The following BCHE variants were observed in gnomAD, a reference collection of about 807,000 sequenced individuals.
BCHE encodes the protein cholinesterase.
In BCHE, 48 loss-of-function variants were observed where a neutral mutation model predicts 51.3. The ratio of observed to expected loss-of-function variants is 0.94; its 90% CI spans 0.74 to 1.19. The LOEUF (loss-of-function observed/expected upper bound fraction) is 1.19, where lower values mean the gene tolerates loss of function less well. Among genes scored for constraint, BCHE ranks in the 50% most tolerant of loss-of-function variants. The pLI, the probability that BCHE is intolerant of heterozygous loss-of-function variation, is 0.00. For synonymous variants in BCHE, 251 were observed against 238.0 expected, an observed-to-expected ratio of 1.05 and a Z score of -0.50; for missense variants, 847 against 708.2, an observed-to-expected ratio of 1.20 and a Z score of -2.23.
In BCHE at chr3:165,829,611, C is replaced by T; in HGVS notation, c.1423G>A (p.Gly475Ser). The change falls in exon 2 of 4, where the codon GGT (glycine) becomes AGT (serine). Residue 475 changes from glycine to serine, a missense_variant. Coordinates refer to ENST00000264381, the MANE Select transcript of BCHE (RefSeq NM_000055.4). ...TTATCTCTTCTTTCCAGAGGTAAAC[C>T]AAAGACAAATTCAATTTCATAGCCA... The part of the protein sequence containing the change: ...MHGYEIEFVF[G>S]LPLERRDNYT... 6.2e-7 allele frequency: 1 copy of T among 1,613,670 alleles called. No individual in the cohort carries two copies. The highest frequency in any genetic ancestry group is 8.5e-7 in the Non-Finnish European group (1 of 1,179,820).
intron 2 of BCHE, among the ~76,000 whole-genome samples, chr3:165,806,470 A>T (rs1313860793): frequency 6.6e-6 from 1 of 152,170 alleles, no homozygotes; most frequent in Non-Finnish European, 1.5e-5. Flanking sequence ...TGCCAGCGGT[A>T]AGTGGTAACC....
At position 165,823,530 on chromosome 3, in the gene BCHE, T is replaced by G. The variant is rs546666903; in HGVS notation, c.1517+5987A>C. Among the ~76,000 whole-genome samples the G allele has an allele frequency of 1.1e-3, 163 of 152,160 alleles. 1 individual carries two copies. The highest frequency in any genetic ancestry group is 3.6e-3 in the African/African-American group (150 of 41,554). On this transcript the variant is annotated intron_variant, in intron 2 of 3. Transcript: ENST00000264381. ...GAATGCCAATTGATAATGGAATAAC[T>G]GGAAAAATAATCCTTGAAAACTATA...
chr3:165,818,502 A>G (rs1714389240), intron 2 of BCHE, among the ~76,000 whole-genome samples: 1 of 152,102 alleles, frequency 6.6e-6, no homozygotes, highest in Non-Finnish European at 1.5e-5. Flanking sequence ...TTAAAGACAA[A>G]TGTTAGTTGT....
At chr3:165,798,023 A>T (rs115747582) in intron 2 of BCHE, among the ~76,000 whole-genome samples, 286 of 152,324 alleles carry the variant, frequency 1.9e-3, no homozygotes, top group African/African-American at 6.7e-3. Flanking sequence ...TGGAGGTCCC[A>T]ACATTTGACT....
intron 3 of BCHE, among the ~76,000 whole-genome samples, chr3:165,782,974 A>C (rs1013262314): frequency 1.3e-5 from 2 of 152,058 alleles, no homozygotes; most frequent in Admixed American, 1.3e-4. Flanking sequence ...GGATGTCAAC[A>C]TATGAATTTT....
intron 2 of BCHE, among the ~76,000 whole-genome samples, chr3:165,821,333 A>G (rs1159398735): frequency 6.6e-6 from 1 of 151,866 alleles, no homozygotes; most frequent in African/African-American, 2.4e-5. Context: ...CTAAATTCCT[A>G]TACAGACATT....
chr3:165,779,959 T>A (rs559941008), intron 3 of BCHE, among the ~76,000 whole-genome samples: 65 of 152,164 alleles, frequency 4.3e-4, no homozygotes, highest in Non-Finnish European at 5.4e-4. Context: ...GCAAAAACAA[T>A]CTTAAGCAAA....
At chr3:165,816,152 G>C (rs1247163323) in intron 2 of BCHE, among the ~76,000 whole-genome samples, 1 of 151,454 alleles carries the variant, frequency 6.6e-6, no homozygotes, top group East Asian at 1.9e-4. Flanking sequence ...AGAATATCTA[G>C]GATGTTGTCT....
At chr3:165,798,725 T>C (rs1713523058) in intron 2 of BCHE, among the ~76,000 whole-genome samples, 1 of 152,160 alleles carries the variant, frequency 6.6e-6, no homozygotes. Flanking sequence ...GGTGTGTGCT[T>C]ATAATCCTAG....
At chr3:165,819,347 G>A (rs1714430057) in intron 2 of BCHE, among the ~76,000 whole-genome samples, 1 of 151,768 alleles carries the variant, frequency 6.6e-6, no homozygotes, top group South Asian at 2.1e-4. Context: ...CAAAGTGCTG[G>A]GATTACAGGC....
At chr3:165,776,951 A>G (rs2668210) in intron 3 of BCHE, among the ~76,000 whole-genome samples, 97,873 of 151,526 alleles carry the variant, frequency 0.65, 33,236 homozygotes, top group East Asian at 0.8. Context: ...TAAATAATAC[A>G]TGTAAAATAC....
At chr3:165,819,376 C>A (rs1216383912) in intron 2 of BCHE, among the ~76,000 whole-genome samples, 1 of 151,764 alleles carries the variant, frequency 6.6e-6, no homozygotes, top group African/African-American at 2.4e-5. Flanking sequence ...CCATGCCTGG[C>A]CTAGGTTTTT....
chr3:165,783,386 C>T (rs983464502), intron 3 of BCHE, among the ~76,000 whole-genome samples: 20 of 152,198 alleles, frequency 1.3e-4, no homozygotes, highest in Admixed American at 6.6e-4. Flanking sequence ...TTCGAAGCCA[C>T]TTGTTTATTT....
intron 3 of BCHE, among the ~76,000 whole-genome samples, chr3:165,776,106 C>A (rs1712462138): frequency 6.6e-6 from 1 of 151,734 alleles, no homozygotes; most frequent in Non-Finnish European, 1.5e-5. Flanking sequence ...AGGGCTGGCA[C>A]ATTATAAACA....
Position 165,829,825 on chromosome 3 carries a change from G to A in BCHE, c.1209C>T (p.Asp403=). 1.2e-6 allele frequency: 2 copies of A among 1,613,696 alleles called. No homozygotes were observed. The highest frequency in any genetic ancestry group is 1.7e-6 in the Non-Finnish European group (2 of 1,179,820). Residue 403 remains aspartate (D), a synonymous_variant, in exon 2 of 4, where the codon GAC becomes GAT. Transcript: ENST00000264381. ...TTTCAGGTCTCTGATCATCTACCCA[G>A]TCTGTGTAATGAAAAAGGATGGATT... ...GKESILFHYT[D]WVDDQRPENY...
chr3:165,807,790 C>T (rs1200728051), intron 2 of BCHE, among the ~76,000 whole-genome samples: 4 of 151,842 alleles, frequency 2.6e-5, no homozygotes, highest in Non-Finnish European at 5.9e-5. Flanking sequence ...TGTTGAACTC[C>T]TGACCTCAAG....
chr3:165,830,329 A>G lies in BCHE; in HGVS notation c.705T>C (p.His235=). The part of the protein sequence containing the change: ...ESAGAASVSL[H]LLSPGSHSLF... ...ATGAATGGCTTCCAGGAGAAAGCAA[A>G]TGCAGGCTAACTGAAGCTGCTCCTG... Residue 235 remains histidine (H), a synonymous_variant, in exon 2 of 4, where the codon CAT becomes CAC. Coordinates refer to ENST00000264381, the MANE Select transcript of BCHE (RefSeq NM_000055.4). 1 of 1,614,004 alleles carries G rather than the reference A, an allele frequency of 6.2e-7. No homozygotes were observed. The highest frequency in any genetic ancestry group is 8.5e-7 in the Non-Finnish European group (1 of 1,179,942).
chr3:165,813,722 T>C (rs1205622402), intron 2 of BCHE, among the ~76,000 whole-genome samples: 2 of 151,882 alleles, frequency 1.3e-5, no homozygotes, highest in Non-Finnish European at 2.9e-5. Flanking sequence ...TTATAAAGGT[T>C]TAATTTTATA....
intron 2 of BCHE, among the ~76,000 whole-genome samples, chr3:165,787,983 T>C (rs756479268): frequency 1.3e-5 from 2 of 152,056 alleles, no homozygotes; most frequent in African/African-American, 2.4e-5. Flanking sequence ...TTCTACCTTA[T>C]GCTAAATCAT....
Sources: gnomAD v4.1 joint callset for allele counts (sites outside exome capture counted in the v4.1 genomes callset) on GRCh38, gnomAD v4.1.1 for gene constraint, MANE v1.5 for transcripts, NCBI Gene and HGNC (gene_info 2026-07-23, HGNC 2026-07-21) for gene names.